Variants in KCNN3 observed in about 807,000 individuals in gnomAD.
The protein encoded by KCNN3 is potassium calcium-activated channel subfamily N member 3.
In KCNN3, 16 loss-of-function variants were observed where a neutral mutation model predicts 62.9. That is an observed-to-expected ratio of 0.25 (90% CI 0.17 to 0.39). The LOEUF (loss-of-function observed/expected upper bound fraction) is 0.39. KCNN3 is among the 10% of genes least tolerant of loss of function. The pLI is 1.00. For missense variants in KCNN3, 599 were observed against 949.4 expected (o/e 0.63, Z 4.85); for synonymous variants, 370 against 389.2 (o/e 0.95, Z 0.58).
chr1:154,733,108 C>G lies in KCNN3; in HGVS notation c.1485G>C (p.Leu495=). The change falls in exon 4 of 8, where the codon CTG becomes CTC. Residue 495 remains leucine, a synonymous_variant. Coordinates refer to ENST00000271915, the MANE Select transcript of KCNN3 (RefSeq NM_002249.6). ...TGATGGAGATGAGCCACATGGCACC[C>G]AGAAAGTTACTAGTTACGTCCTGCT... The part of the protein sequence containing the change: ...HDQQDVTSNF[L]GAMWLISITF... 3 of 1,614,196 alleles carry G rather than the reference C, an allele frequency of 1.9e-6. No homozygotes were observed.
chr1:154,826,033 C>A (rs1273141854), intron 1 of KCNN3, among the ~76,000 whole-genome samples: 1 of 138,020 alleles, frequency 7.2e-6, no homozygotes, highest in African/African-American at 2.8e-5. Flanking sequence ...GGGTGAAGAG[C>A]GAGACTCCAT....
intron 5 of KCNN3, among the ~76,000 whole-genome samples, chr1:154,725,710 AT>A (rs1700448594): frequency 6.6e-6 from 1 of 151,758 alleles, no homozygotes; most frequent in Non-Finnish European, 1.5e-5. Context: ...TGCCCAGCTA[AT>A]TTTCTGTATT....
At chr1:154,798,664 A>C (rs1300967274) in intron 2 of KCNN3, among the ~76,000 whole-genome samples, 1 of 152,230 alleles carries the variant, frequency 6.6e-6, no homozygotes, top group Admixed American at 6.5e-5. Context: ...CAAACACATC[A>C]CAAGCATTCT....
intron 1 of KCNN3, among the ~76,000 whole-genome samples, chr1:154,855,956 C>A (rs1457006477): frequency 6.6e-6 from 1 of 152,148 alleles, no homozygotes. Context: ...CGCCAAGGGT[C>A]CTTGAGTCAG....
At position 154,707,679 on chromosome 1, in the gene KCNN3, A is replaced by C; in HGVS notation, c.*297T>G. 6.2e-6 allele frequency: 2 copies of C among 320,564 alleles called. No individual in the cohort carries two copies. Among genetic ancestry groups the C allele is most frequent in the Non-Finnish European group, 5.8e-6 (1 of 173,626 alleles). The allele number at this position is 320,564 out of a possible 1,614,324, so 19.9% of individuals were successfully genotyped here. On this transcript the variant is annotated 3_prime_UTR_variant, in exon 8 of 8. Coordinates refer to ENST00000271915, the MANE Select transcript of KCNN3 (RefSeq NM_002249.6). ...CCCCCACCCCCCGCGTGAAGACCTG[A>C]GATTGAGCGTGGATTTCTGTTCTCC... is the stretch of plus-strand genomic sequence containing the variant.
intron 1 of KCNN3, among the ~76,000 whole-genome samples, chr1:154,836,082 C>A (rs1228601643): frequency 6.6e-6 from 1 of 152,230 alleles, no homozygotes; most frequent in Non-Finnish European, 1.5e-5. Context: ...CCAGGCAGAG[C>A]AGCCCTTACC....
chr1:154,861,156 T>C (rs923972678), intron 1 of KCNN3, among the ~76,000 whole-genome samples: 3 of 152,062 alleles, frequency 2.0e-5, no homozygotes, highest in African/African-American at 4.8e-5. Context: ...GGTTTCGCCA[T>C]GTTGGCCAGG....
intron 3 of KCNN3, among the ~76,000 whole-genome samples, chr1:154,769,282 C>T (rs762100007): frequency 3.3e-5 from 5 of 152,192 alleles, no homozygotes; most frequent in Non-Finnish European, 2.9e-5. Flanking sequence ...ACAATAACAT[C>T]CACCATGCTT....
chr1:154,845,041 G>A (rs1405129154), intron 1 of KCNN3, among the ~76,000 whole-genome samples: 2 of 151,926 alleles, frequency 1.3e-5, no homozygotes. Flanking sequence ...AAAAACTGGG[G>A]CCACTCACCT....
At chr1:154,721,581 G>A (rs1199634144) in intron 5 of KCNN3, among the ~76,000 whole-genome samples, 4 of 152,034 alleles carry the variant, frequency 2.6e-5, no homozygotes, top group Non-Finnish European at 5.9e-5. Flanking sequence ...GATTACAGGC[G>A]TGAGCCACCG....
At chr1:154,753,698 C>T (rs1647496334) in intron 3 of KCNN3, among the ~76,000 whole-genome samples, 1 of 152,232 alleles carries the variant, frequency 6.6e-6, no homozygotes. Context: ...TGCCTGCTCA[C>T]TTCATAGGGT....
intron 4 of KCNN3, among the ~76,000 whole-genome samples, chr1:154,731,223 A>T (rs1159258410): frequency 6.6e-6 from 1 of 152,226 alleles, no homozygotes; most frequent in African/African-American, 2.4e-5. Context: ...CCTTTCTGGT[A>T]AGAAGCGTCT....
At chr1:154,853,241 G>A (rs1198368097) in intron 1 of KCNN3, among the ~76,000 whole-genome samples, 1 of 151,722 alleles carries the variant, frequency 6.6e-6, no homozygotes, top group Non-Finnish European at 1.5e-5. Context: ...CTCTTGCCTT[G>A]GCCTCCCAAA....
At chr1:154,752,470 G>C (rs1014332139) in intron 3 of KCNN3, among the ~76,000 whole-genome samples, 1 of 152,178 alleles carries the variant, frequency 6.6e-6, no homozygotes, top group Non-Finnish European at 1.5e-5. Flanking sequence ...GAATGGGAGT[G>C]CTCCAGGTGG....
In KCNN3 at chr1:154,869,880, C is replaced by G. The variant is rs777429243; in HGVS notation, c.85G>C (p.Glu29Gln). The G allele has an allele frequency of 4.4e-6, 7 of 1,602,574 alleles. No individual in the cohort carries two copies. In the East Asian group the frequency reaches 1.1e-4, roughly 26 times the overall value. ...TGCTGCTGCTGCTGCTGCTGCTGCT[C>G]ATCCCCAGAGGATGGACAGGGGCAC... ...PKCPCPSSGD[E>Q]QQQQQQQQQQ... The change falls in exon 1 of 8, where the codon GAG (glutamate) becomes CAG (glutamine). Residue 29 changes from glutamate to glutamine, a missense_variant. Physicochemically the swap from Glu to Gln is conservative, Grantham distance 29. This residue lies in a region of KCNN3 where 59 missense variants were observed against 62.4 expected (regional missense o/e 0.95). Transcript: ENST00000271915. This position sits in a 1 kb window ranked among gnomAD's most constrained non-coding sequence, Gnocchi z 6.1.
At chr1:154,808,828 T>G (rs1004172019) in intron 2 of KCNN3, among the ~76,000 whole-genome samples, 8 of 152,176 alleles carry the variant, frequency 5.3e-5, no homozygotes, top group Admixed American at 5.2e-4. Flanking sequence ...AAAGAGCTGA[T>G]AGGGACCTTG....
At chr1:154,821,872 CAACTT>C (rs1480703524) in intron 2 of KCNN3, among the ~76,000 whole-genome samples, 5 of 152,234 alleles carry the variant, frequency 3.3e-5, no homozygotes, top group Non-Finnish European at 7.3e-5. Context: ...ACTTTGAAGA[CAACTT>C]AACAGTTATT....
intron 7 of KCNN3, among the ~76,000 whole-genome samples, chr1:154,709,699 C>T (rs564093824): frequency 5.3e-5 from 8 of 152,356 alleles, no homozygotes; most frequent in Non-Finnish European, 8.8e-5. Context: ...CAGAGCAGGA[C>T]ACCGTGTCGT....
rs774086047 is a variant in KCNN3, at chr1:154,869,434, G to A, written c.531C>T (p.Ser177=). ...TCATGACCCCACCGCTATACTTGCA[G>A]GAGCTCATGGCGATCTCCGTGAAGG... The part of the protein sequence containing the change: ...SNPFTEIAMS[S]CKYSGGVMKP... Residue 177 remains serine (S), a synonymous_variant, in exon 1 of 8, where the codon TCC becomes TCT. Coordinates refer to ENST00000271915, the MANE Select transcript of KCNN3 (RefSeq NM_002249.6). This position sits in a 1 kb window ranked among gnomAD's most constrained non-coding sequence, Gnocchi z 6.1. 1.2e-6 allele frequency: 2 copies of A among 1,614,118 alleles called. No individual in the cohort carries two copies. The highest frequency in any genetic ancestry group is 1.7e-6 in the Non-Finnish European group (2 of 1,179,982).
Sources: gnomAD v4.1 joint callset for allele counts (sites outside exome capture counted in the v4.1 genomes callset) on GRCh38, gnomAD v4.1.1 for gene constraint, gnomAD v4.1.1 regional missense constraint, Gnocchi (gnomAD v3.1) non-coding constraint, MANE v1.5 for transcripts, NCBI Gene and HGNC (gene_info 2026-07-23, HGNC 2026-07-21) for gene names.